FBXW7: variants seen among roughly 807,000 people sequenced by gnomAD.
FBXW7 encodes the protein F-box/WD repeat-containing protein 7.
In FBXW7, 11 loss-of-function variants were observed where a neutral mutation model predicts 86.3. The observed-to-expected ratio is 0.13, with a 90% CI of 0.08 to 0.21. FBXW7 has a LOEUF of 0.21. Ranked by LOEUF, FBXW7 falls within the 10% of genes least tolerant of loss-of-function variation. FBXW7 has a pLI of 1.00. For missense variants in FBXW7, 488 were observed against 847.4 expected, an observed-to-expected ratio of 0.58 and a Z score of 5.27; for synonymous variants, 313 against 297.9, an observed-to-expected ratio of 1.05 and a Z score of -0.52.
At chr4:152,530,826 C>T (rs1561007434) in intron 2 of FBXW7, 1 of 152,218 alleles carries the variant, frequency 6.6e-6, no homozygotes, top group East Asian at 1.9e-4. Context: ...CATTCACTTC[C>T]TTGTTGTCTA....
At position 152,423,605 on chromosome 4, in the gene FBXW7, T is replaced by TACCACTG. The variant is rs576954253; in HGVS notation, c.-119-11083_-119-11077dup. On this transcript the variant is annotated intron_variant, in intron 2 of 13. Transcript: ENST00000281708. ...AGATAAACCACATAAATGATAATTT[T>TACCACTG]ACCACTGGTACTTTTAAACAACAGA... Among the ~76,000 whole-genome samples the TACCACTG allele has an allele frequency of 9.8e-5, 15 of 152,306 alleles. No individual in the cohort carries two copies. The South Asian group carries it at 2.7e-3, about 27-fold the overall frequency.
At chr4:152,471,203 A>G (rs1211168279) in intron 2 of FBXW7, among the ~76,000 whole-genome samples, 1 of 151,768 alleles carries the variant, frequency 6.6e-6, no homozygotes, top group African/African-American at 2.4e-5. Context: ...AAAAAATAAG[A>G]TATATTAGAG....
chr4:152,376,553 T>C (rs553159640), intron 4 of FBXW7, among the ~76,000 whole-genome samples: 4 of 152,182 alleles, frequency 2.6e-5, no homozygotes, highest in African/African-American at 9.6e-5. Flanking sequence ...AACAACAAAT[T>C]AGGTTATGGA....
intron 2 of FBXW7, among the ~76,000 whole-genome samples, chr4:152,423,476 A>C (rs1739122223): frequency 6.6e-6 from 1 of 152,214 alleles, no homozygotes; most frequent in Non-Finnish European, 1.5e-5. Context: ...AAATTTGCCA[A>C]ACATGTCAAG....
At chr4:152,337,642 C>T (rs992818677) in intron 7 of FBXW7, 160 bp downstream of exon 7, 16 of 633,872 alleles carry the variant, frequency 2.5e-5, no homozygotes, top group Non-Finnish European at 4.1e-5. Context: ...ATTATTAAGT[C>T]ATGGCAATTT....
chr4:152,449,882 T>C (rs1249412780), intron 2 of FBXW7, among the ~76,000 whole-genome samples: 1 of 152,206 alleles, frequency 6.6e-6, no homozygotes, highest in East Asian at 1.9e-4. Flanking sequence ...CAAATAATCA[T>C]ACTTCAAATT....
chr4:152,480,481 T>C (rs1165126381), intron 2 of FBXW7, among the ~76,000 whole-genome samples: 1 of 152,136 alleles, frequency 6.6e-6, no homozygotes, highest in Non-Finnish European at 1.5e-5. Context: ...CTCTAAGTGT[T>C]GGAGTGAAAA....
At chr4:152,517,110 A>C (rs1748567791) in intron 2 of FBXW7, among the ~76,000 whole-genome samples, 1 of 152,220 alleles carries the variant, frequency 6.6e-6, no homozygotes, top group South Asian at 2.1e-4. Context: ...CGCATGAGCT[A>C]CCGTGCCAGG....
intron 2 of FBXW7, among the ~76,000 whole-genome samples, chr4:152,448,055 AGG>A (rs1741572936): frequency 6.6e-6 from 1 of 152,240 alleles, no homozygotes; most frequent in South Asian, 2.1e-4. Flanking sequence ...AAAGTTACTG[AGG>A]CTACTCACAA....
At chr4:152,355,339 A>G (rs1411123830) in intron 4 of FBXW7, among the ~76,000 whole-genome samples, 1 of 152,070 alleles carries the variant, frequency 6.6e-6, no homozygotes, top group Non-Finnish European at 1.5e-5. Flanking sequence ...GACAAGAAAC[A>G]TTTTAAACTT....
chr4:152,330,239 T>C (rs1187860481), intron 9 of FBXW7, among the ~76,000 whole-genome samples: 3 of 151,970 alleles, frequency 2.0e-5, no homozygotes, highest in Non-Finnish European at 4.4e-5. Context: ...AAATTGGTTT[T>C]TTCCAGTTGT....
At chr4:152,346,898 G>A (rs1183931146) in intron 6 of FBXW7, 32 bp downstream of exon 6, 1 of 1,608,710 alleles carries the variant, frequency 6.2e-7, no homozygotes. Flanking sequence ...AATTAAGTGA[G>A]GCATTTCAAG....
At chr4:152,446,073 T>C (rs1198542988) in intron 2 of FBXW7, among the ~76,000 whole-genome samples, 1 of 151,944 alleles carries the variant, frequency 6.6e-6, no homozygotes, top group East Asian at 1.9e-4. Context: ...AAAGCACCAA[T>C]AACATAATGG....
At chr4:152,450,612 A>G (rs10031972) in intron 2 of FBXW7, among the ~76,000 whole-genome samples, 65,408 of 152,028 alleles carry the variant, frequency 0.43, 15,740 homozygotes, top group African/African-American at 0.64. Flanking sequence ...AATACCACAT[A>G]CTAATGTAAA....
intron 2 of FBXW7, among the ~76,000 whole-genome samples, chr4:152,489,860 G>T (rs1460621254): frequency 2.6e-5 from 4 of 151,834 alleles, no homozygotes; most frequent in African/African-American, 9.7e-5. Flanking sequence ...CATGACCCTG[G>T]GCTACAGTGA....
intron 9 of FBXW7, 58 bp from the exon 10 acceptor site, chr4:152,329,843 C>T: frequency 2.0e-6 from 2 of 977,682 alleles, no homozygotes; most frequent in South Asian, 2.1e-5. Flanking sequence ...CTTTAAAATA[C>T]TGGTGAAGAG....
At chr4:152,475,128 A>T (rs1309696523) in intron 2 of FBXW7, among the ~76,000 whole-genome samples, 4 of 149,108 alleles carry the variant, frequency 2.7e-5, no homozygotes, top group Non-Finnish European at 5.9e-5. Context: ...ATATTTATTT[A>T]TATATATTAA....
chr4:152,396,434 T>C (rs1736423566), intron 4 of FBXW7, among the ~76,000 whole-genome samples: 2 of 151,876 alleles, frequency 1.3e-5, no homozygotes, highest in Non-Finnish European at 2.9e-5. Flanking sequence ...CTTAGAAAAA[T>C]AATGGCAATT....
At chr4:152,460,436 T>A (rs894195050) in intron 2 of FBXW7, among the ~76,000 whole-genome samples, 1 of 152,242 alleles carries the variant, frequency 6.6e-6, no homozygotes, top group African/African-American at 2.4e-5. Context: ...GTTGATTTCC[T>A]CCTGTAGATG....
Sources: allele counts gnomAD v4.1 joint callset (sites outside exome capture counted in the v4.1 genomes callset), GRCh38; gene constraint gnomAD v4.1.1; transcripts MANE v1.5; gene names NCBI Gene and HGNC (gene_info 2026-07-23, HGNC 2026-07-21).